The following TES variants were observed in gnomAD, a reference collection of about 807,000 sequenced individuals.
TES encodes the protein testin LIM domain protein, also known as testin.
A neutral mutation model predicts 48.2 loss-of-function variants in TES; 41 were observed. The ratio of observed to expected loss-of-function variants is 0.85; its 90% CI spans 0.66 to 1.10. TES has a LOEUF of 1.10. TES is among the 50% of genes least tolerant of loss of function. TES has a pLI of 0.00. For synonymous variants in TES, 162 were observed against 174.9 expected (o/e 0.93, Z 0.58); for missense variants, 463 against 515.1 (o/e 0.90, Z 0.98).
intron 2 of TES, among the ~76,000 whole-genome samples, chr7:116,240,772 T>G (rs1000267428): frequency 3.3e-5 from 5 of 152,148 alleles, no homozygotes; most frequent in African/African-American, 4.8e-5. Flanking sequence ...TTTAGAAAAT[T>G]TAGAGGTTTG....
At chr7:116,246,796 C>T (rs777975531) in intron 2 of TES, among the ~76,000 whole-genome samples, 3 of 152,114 alleles carry the variant, frequency 2.0e-5, no homozygotes, top group Non-Finnish European at 2.9e-5. Context: ...CCCTTCTTCA[C>T]GAGTTTGAAG....
chr7:116,236,740 G>C (rs573851903), intron 2 of TES, among the ~76,000 whole-genome samples: 1 of 152,056 alleles, frequency 6.6e-6, no homozygotes, highest in Non-Finnish European at 1.5e-5. Context: ...CATTTTAATC[G>C]ATATTTTCAG....
At chr7:116,220,424 T>A (rs541322566) in intron 1 of TES, among the ~76,000 whole-genome samples, 5 of 152,306 alleles carry the variant, frequency 3.3e-5, no homozygotes, top group Admixed American at 1.3e-4. Flanking sequence ...CAGCGCAGAC[T>A]TTGACTTTTC....
chr7:116,213,231 A>C (rs1334511477), intron 1 of TES, among the ~76,000 whole-genome samples: 1 of 152,246 alleles, frequency 6.6e-6, no homozygotes. Flanking sequence ...CTATTTTGGT[A>C]CCTAGTTTTC....
intron 5 of TES, 127 bp from the exon 6 acceptor site, chr7:116,252,191 T>C: frequency 1.8e-6 from 2 of 1,113,560 alleles, no homozygotes; most frequent in Non-Finnish European, 2.5e-6. Flanking sequence ...TAGACTAAAC[T>C]AAGTGATAGC....
intron 1 of TES, among the ~76,000 whole-genome samples, chr7:116,229,308 C>G (rs1303574086): frequency 6.6e-6 from 1 of 151,938 alleles, no homozygotes; most frequent in Non-Finnish European, 1.5e-5. Flanking sequence ...AACTAACCTA[C>G]AAGATTTGGA....
chr7:116,237,685 G>C (rs986207825), intron 2 of TES, among the ~76,000 whole-genome samples: 1 of 152,078 alleles, frequency 6.6e-6, no homozygotes, highest in African/African-American at 2.4e-5. Flanking sequence ...TCACATACCT[G>C]GTAGTTTAAA....
chr7:116,232,730 A>T (rs918834535), intron 1 of TES, among the ~76,000 whole-genome samples: 2 of 152,016 alleles, frequency 1.3e-5, no homozygotes, highest in African/African-American at 4.8e-5. Context: ...TAATTGCTTT[A>T]AAAAAAAGCT....
At chr7:116,232,503 C>T (rs151336228) in intron 1 of TES, among the ~76,000 whole-genome samples, 1 of 152,286 alleles carries the variant, frequency 6.6e-6, no homozygotes, top group East Asian at 1.9e-4. Flanking sequence ...ACTCCAGGCA[C>T]ATTCAGAACT....
chr7:116,218,100 G>T (rs1263329862), intron 1 of TES: 2 of 370,664 alleles, frequency 5.4e-6, no homozygotes, highest in Non-Finnish European at 1.1e-5. Flanking sequence ...AGCCAGCCTA[G>T]TGGGGATTGC....
At chr7:116,248,285 G>A (rs6957561) in intron 2 of TES, among the ~76,000 whole-genome samples, 50,783 of 151,910 alleles carry the variant, frequency 0.33, 8,933 homozygotes, top group East Asian at 0.57. Flanking sequence ...TAAACATACG[G>A]GTGCATTGTC....
At chr7:116,214,615 T>C (rs780474044) in intron 1 of TES, among the ~76,000 whole-genome samples, 1 of 152,200 alleles carries the variant, frequency 6.6e-6, no homozygotes, top group Non-Finnish European at 1.5e-5. Flanking sequence ...TGGTAGAATA[T>C]GAAAAGTCCC....
At chr7:116,214,705 C>A (rs559550663) in intron 1 of TES, among the ~76,000 whole-genome samples, 1 of 152,252 alleles carries the variant, frequency 6.6e-6, no homozygotes, top group East Asian at 1.9e-4. Flanking sequence ...TTTATGCTGT[C>A]CTATGAAGTA....
intron 1 of TES, among the ~76,000 whole-genome samples, chr7:116,233,714 G>A (rs891244949): frequency 1.3e-5 from 2 of 152,134 alleles, no homozygotes; most frequent in African/African-American, 4.8e-5. Flanking sequence ...CTTAGACTGG[G>A]TAATTTATAA....
rs184554082 is a variant in TES at position 116,250,056 on chromosome 7, A to G, written c.367-105A>G. The G allele has an allele frequency of 1.0e-3, 990 of 955,288 alleles. 2 individuals carry two copies. Among genetic ancestry groups the G allele is most frequent in the Middle Eastern group, 3.3e-3 (10 of 3,070 alleles). 59.2% of individuals were successfully genotyped at this position (955,288 alleles called of 1,614,324 possible). A position where few individuals can be genotyped will look rare whatever the true frequency, so the allele number is the denominator to read the frequency against. On this transcript the variant is annotated intron_variant, in intron 3 of 6. Transcript: ENST00000358204. The stretch of plus-strand genomic sequence containing the variant: ...TGTGAGGGTGAGTTGCTGCTATTGG[A>G]TAGAACCCACTTCTTTCTTAAGTAA...
chr7:116,253,018 T>A (rs1051121907), intron 6 of TES, among the ~76,000 whole-genome samples: 2 of 152,246 alleles, frequency 1.3e-5, no homozygotes. Flanking sequence ...GTATATTTTT[T>A]CTTGCATTTA....
intron 2 of TES, among the ~76,000 whole-genome samples, chr7:116,245,408 A>G (rs979742839): frequency 3.9e-5 from 6 of 152,102 alleles, no homozygotes; most frequent in Admixed American, 1.3e-4. Context: ...TGGCCTTTAC[A>G]TCAGCTCCCA....
At position 116,227,088 on chromosome 7, in the gene TES, TTTTATTTATTTATTTA is replaced by T. The variant is rs10562977; in HGVS notation, c.28-7415_28-7400del. On this transcript the variant is annotated intron_variant, in intron 1 of 6. Transcript: ENST00000358204. ...TTTTCTGTGTAACCTACACTTTTTATTTTATTTATTTATTTATTTATTTATTTATTTATTTATTTAT... is the reference window on the plus strand; with the variant it reads ...TTTTCTGTGTAACCTACACTTTTTATTTTATTTATTTATTTATTTATTTAT... 1.9e-3 allele frequency among the ~76,000 whole-genome samples: 266 copies of T among 140,232 alleles called. 3 individuals are homozygous for T. Among genetic ancestry groups the T allele is most frequent in the African/African-American group, 6.1e-3 (230 of 37,836 alleles). The allele number at this position is 140,232 out of a possible 152,430, so 92.0% of individuals were successfully genotyped here.
chr7:116,235,871 CTT>C (rs768316914), intron 2 of TES, among the ~76,000 whole-genome samples: 1 of 152,102 alleles, frequency 6.6e-6, no homozygotes, highest in Admixed American at 6.6e-5. Flanking sequence ...ACATTAATCT[CTT>C]TTAAAAACTA....
Sources: gnomAD v4.1 joint callset for allele counts (sites outside exome capture counted in the v4.1 genomes callset) on GRCh38, gnomAD v4.1.1 for gene constraint, MANE v1.5 for transcripts, NCBI Gene and HGNC (gene_info 2026-07-23, HGNC 2026-07-21) for gene names.